Variants in ACTR3B observed in about 807,000 individuals in gnomAD.
ACTR3B encodes the protein actin-related protein 3B.
A neutral mutation model predicts 59.0 loss-of-function variants in ACTR3B; 8 were observed. The ratio of observed to expected loss-of-function variants is 0.14; its 90% confidence interval spans 0.08 to 0.24. The LOEUF (loss-of-function observed/expected upper bound fraction) is 0.24. Among genes scored for constraint, ACTR3B ranks in the 10% least tolerant of loss-of-function variants. The pLI, the probability that ACTR3B is intolerant of heterozygous loss-of-function variation, is 1.00. For synonymous variants in ACTR3B, 148 were observed against 197.9 expected (o/e 0.75, Z 2.12); for missense variants, 245 against 552.3 (o/e 0.44, Z 5.58).
chr7:152,810,294 A>G (rs1054975271), intron 4 of ACTR3B, among the ~76,000 whole-genome samples: 1 of 151,624 alleles, frequency 6.6e-6, no homozygotes, highest in Non-Finnish European at 1.5e-5. Flanking sequence ...TTTAGCAGAG[A>G]TGGGGTTTCC....
chr7:152,767,109 T>A (rs2098112791), intron 1 of ACTR3B, among the ~76,000 whole-genome samples: 1 of 128,798 alleles, frequency 7.8e-6, no homozygotes, highest in Non-Finnish European at 1.7e-5. Flanking sequence ...TTTTTTTTTT[T>A]AATGGTTTCA....
At chr7:152,822,838 G>A (rs1456008131) in intron 7 of ACTR3B, among the ~76,000 whole-genome samples, 1 of 152,238 alleles carries the variant, frequency 6.6e-6, no homozygotes, top group South Asian at 2.1e-4. Context: ...ACAACCAGCA[G>A]GTTGACAGTG....
At chr7:152,852,044 T>A in intron 9 of ACTR3B, 82 bp from the exon 10 acceptor site, 6 of 1,588,942 alleles carry the variant, frequency 3.8e-6, no homozygotes, top group Non-Finnish European at 3.4e-6. Flanking sequence ...CGATTGGACC[T>A]GTGGGAGTTC....
In ACTR3B at chr7:152,843,233, A is replaced by G. The variant is rs190739798; in HGVS notation, c.952-8893A>G. 4.8e-4 allele frequency among the ~76,000 whole-genome samples: 73 copies of G among 152,240 alleles called. No individual in the cohort carries two copies. In the East Asian group the frequency reaches 0.013, roughly 26 times the overall value. On this transcript the variant is annotated intron_variant, in intron 9 of 11. Coordinates refer to ENST00000256001, the MANE Select transcript of ACTR3B (RefSeq NM_020445.6). The stretch of plus-strand genomic sequence containing the variant: ...TTTCTTTTATGGTTCATGCTTTTTT[A>G]TGTGCTAGCTAAGAAATTTTTGCCT...
intron 9 of ACTR3B, 134 bp from the exon 10 acceptor site, chr7:152,851,992 T>C (rs1245527798): frequency 1.5e-5 from 19 of 1,239,000 alleles, no homozygotes; most frequent in Non-Finnish European, 2.1e-5. Context: ...AAGTTTGCTT[T>C]TGTTCGCATC....
At chr7:152,828,153 G>A (rs531370049) in intron 9 of ACTR3B, among the ~76,000 whole-genome samples, 2 of 152,314 alleles carry the variant, frequency 1.3e-5, no homozygotes, top group South Asian at 2.1e-4. Flanking sequence ...TACTGTCCGG[G>A]TTGGCCTGTG....
intron 1 of ACTR3B, among the ~76,000 whole-genome samples, chr7:152,768,564 C>T (rs943355988): frequency 5.9e-5 from 9 of 152,106 alleles, no homozygotes; most frequent in African/African-American, 2.2e-4. Context: ...GCAACCTCCA[C>T]CTCCTGGATT....
Position 152,852,058 on chromosome 7 carries a change from T to G in ACTR3B, c.952-68T>G, listed in dbSNP as rs1008802131. The G allele has an allele frequency of 1.9e-6, 3 of 1,610,394 alleles. No individual in the cohort carries two copies. In the Admixed American group the frequency reaches 5.0e-5, roughly 27 times the overall value. ...GCGATTGGACCTGTGGGAGTTCTGT[T>G]GTGGGTGGTTCCCGGAACTGTGGGC... On this transcript the variant is annotated intron_variant, in intron 9 of 11. Transcript: ENST00000256001.
At chr7:152,844,161 G>A (rs1260831690) in intron 9 of ACTR3B, among the ~76,000 whole-genome samples, 1 of 152,104 alleles carries the variant, frequency 6.6e-6, no homozygotes, top group Non-Finnish European at 1.5e-5. Context: ...AGGTTCAAGC[G>A]ATTCTCCTGC....
intron 6 of ACTR3B, among the ~76,000 whole-genome samples, chr7:152,819,218 A>G (rs567813819): frequency 6.6e-6 from 1 of 152,348 alleles, no homozygotes; most frequent in Admixed American, 6.5e-5. Flanking sequence ...AGTTACGTAT[A>G]TCAGAAAGAA....
rs191786804 is a variant in ACTR3B at position 152,821,694 on chromosome 7, C to G, written c.684+1252C>G. Among the ~76,000 whole-genome samples the G allele has an allele frequency of 1.4e-3, 206 of 152,290 alleles. 1 individual carries two copies. Among genetic ancestry groups the G allele is most frequent in the East Asian group, 0.012 (63 of 5,174 alleles). On this transcript the variant is annotated intron_variant, in intron 7 of 11. Coordinates refer to ENST00000256001, the MANE Select transcript of ACTR3B (RefSeq NM_020445.6). ...GCTCGATGTGACTGTGTGTCTCCCC[C>G]CTGTGAAGGCTGGGAGTAAAAGAGA...
At chr7:152,825,532 G>A in intron 9 of ACTR3B, among the ~76,000 whole-genome samples, 1 of 151,970 alleles carries the variant, frequency 6.6e-6, no homozygotes, top group East Asian at 1.9e-4. Context: ...GCCCAGGCTG[G>A]TCTCGAACTC....
intron 9 of ACTR3B, among the ~76,000 whole-genome samples, chr7:152,835,312 C>A (rs1473173339): frequency 6.6e-6 from 1 of 152,084 alleles, no homozygotes; most frequent in African/African-American, 2.4e-5. Flanking sequence ...AAGTGTAGTG[C>A]TTGATATGTG....
intron 4 of ACTR3B, among the ~76,000 whole-genome samples, chr7:152,810,090 A>G (rs1033534215): frequency 2.6e-5 from 4 of 151,422 alleles, no homozygotes; most frequent in Non-Finnish European, 5.9e-5. Flanking sequence ...AGTCCCCATT[A>G]TTTCCCCTCT....
At chr7:152,842,818 T>C (rs1797972172) in intron 9 of ACTR3B, among the ~76,000 whole-genome samples, 1 of 152,210 alleles carries the variant, frequency 6.6e-6, no homozygotes, top group Non-Finnish European at 1.5e-5. Context: ...TGCTTTGTTG[T>C]ATGGTAAGTT....
At chr7:152,763,873 A>G (rs1018318904) in intron 1 of ACTR3B, among the ~76,000 whole-genome samples, 1 of 152,178 alleles carries the variant, frequency 6.6e-6, no homozygotes, top group African/African-American at 2.4e-5. Flanking sequence ...TGTCTGTATG[A>G]GTTGTCGTTC....
intron 1 of ACTR3B, among the ~76,000 whole-genome samples, chr7:152,778,634 T>G (rs1288504299): frequency 6.6e-6 from 1 of 151,958 alleles, no homozygotes; most frequent in Non-Finnish European, 1.5e-5. Flanking sequence ...TTTTAAATAA[T>G]AAGACAAAAT....
chr7:152,842,535 T>TG (rs998085210), intron 9 of ACTR3B, among the ~76,000 whole-genome samples: 6 of 151,812 alleles, frequency 4.0e-5, no homozygotes, highest in South Asian at 2.1e-4. Context: ...CCGCAGATAA[T>TG]GGGGGGCTGC....
At chr7:152,843,761 A>G (rs1443461746) in intron 9 of ACTR3B, among the ~76,000 whole-genome samples, 3 of 152,380 alleles carry the variant, frequency 2.0e-5, no homozygotes, top group Admixed American at 1.3e-4. Context: ...AAATGGGAAT[A>G]GGAACAGCAG....
Sources: allele counts gnomAD v4.1 joint callset (sites outside exome capture counted in the v4.1 genomes callset), GRCh38; gene constraint gnomAD v4.1.1; transcripts MANE v1.5; gene names NCBI Gene and HGNC (gene_info 2026-07-23, HGNC 2026-07-21).